The following NUP155 variants were observed in gnomAD, a reference collection of about 807,000 sequenced individuals.
NUP155 encodes the protein nucleoporin 155.
Under a neutral mutation model 180.4 loss-of-function variants are expected in NUP155, and 71 were observed. That is an observed-to-expected ratio of 0.39 (90% CI 0.33 to 0.48). NUP155 has a LOEUF of 0.48. Among genes scored for constraint, NUP155 ranks in the 20% least tolerant of loss-of-function variants. NUP155 has a pLI of 0.91. For missense variants in NUP155, 1,553 were observed against 1,648.9 expected, an observed-to-expected ratio of 0.94 and a Z score of 1.01; for synonymous variants, 582 against 559.5, an observed-to-expected ratio of 1.04 and a Z score of -0.57.
intron 23 of NUP155, among the ~76,000 whole-genome samples, chr5:37,309,930 C>G (rs2150948401): frequency 6.6e-6 from 1 of 152,036 alleles, no homozygotes; most frequent in East Asian, 1.9e-4. Context: ...CACCTGTAAT[C>G]CCAGCTATTT....
chr5:37,344,266 T>A (rs1025788363), intron 9 of NUP155, among the ~76,000 whole-genome samples: 5 of 149,300 alleles, frequency 3.3e-5, no homozygotes, highest in African/African-American at 9.9e-5. Context: ...TCACTGGAAC[T>A]CGGAGGCAGA....
rs1742190162 is a variant in NUP155 at position 37,290,530 on chromosome 5, T to C, written c.*1370A>G. On this transcript the variant is annotated 3_prime_UTR_variant, in exon 35 of 35. Coordinates refer to ENST00000231498, the MANE Select transcript of NUP155 (RefSeq NM_153485.3). Reference sequence around the variant, plus strand: ...TAGAGTGTTTTGTTAGCTCTGGTCATTCCCACTCTTCTTCTCTCTTGTTGC... The same window carrying C: ...TAGAGTGTTTTGTTAGCTCTGGTCACTCCCACTCTTCTTCTCTCTTGTTGC... 1 of 152,110 alleles carries C rather than the reference T, an allele frequency of 6.6e-6. No individual in the cohort carries two copies. Among genetic ancestry groups the C allele is most frequent in the African/African-American group, 2.4e-5 (1 of 41,416 alleles). The allele number at this position is 152,110 out of a possible 1,614,324, so 9.4% of individuals were successfully genotyped here. A position where few individuals can be genotyped will look rare whatever the true frequency, so the allele number is the denominator to read the frequency against.
intron 4 of NUP155, among the ~76,000 whole-genome samples, chr5:37,354,073 C>T (rs1250365199): frequency 6.6e-6 from 1 of 152,112 alleles, no homozygotes. Context: ...AGATTACAAC[C>T]TTGATAATAG....
chr5:37,368,392 G>C (rs887449098), intron 1 of NUP155, among the ~76,000 whole-genome samples: 2 of 151,618 alleles, frequency 1.3e-5, no homozygotes, highest in Non-Finnish European at 2.9e-5. Context: ...GCTAATTTTT[G>C]TATTATTGTA....
At chr5:37,348,921 A>T (rs563063738) in intron 8 of NUP155, among the ~76,000 whole-genome samples, 1 of 152,060 alleles carries the variant, frequency 6.6e-6, no homozygotes, top group Non-Finnish European at 1.5e-5. Flanking sequence ...ACACCTGGCT[A>T]ATTTTTGTAT....
At position 37,299,515 on chromosome 5, in the gene NUP155, T is replaced by C. The variant is rs1742752587; in HGVS notation, c.3615A>G (p.Ile1205Met). The C allele has an allele frequency of 1.2e-6, 2 of 1,613,912 alleles. No individual in the cohort carries two copies. Among genetic ancestry groups the C allele is most frequent in the Non-Finnish European group, 1.7e-6 (2 of 1,179,904 alleles). ...PFKLAECKLA[I>M]IHCAGYSDPI... Reference sequence around the variant, plus strand: ...GGTCTGAATAACCGGCACAATGAATTATTGCAAGTTTGCACTCTGCAAGTT... The same window carrying C: ...GGTCTGAATAACCGGCACAATGAATCATTGCAAGTTTGCACTCTGCAAGTT... Residue 1205 changes from isoleucine (I) to methionine (M), a missense_variant, in exon 31 of 35, where the codon ATA (isoleucine) becomes ATG (methionine). Ile to Met is a conservative substitution (Grantham distance 10, BLOSUM62 1). Coordinates refer to ENST00000231498, the MANE Select transcript of NUP155 (RefSeq NM_153485.3).
chr5:37,312,627 T>C (rs762463848), intron 22 of NUP155, among the ~76,000 whole-genome samples: 22 of 152,176 alleles, frequency 1.4e-4, no homozygotes, highest in Non-Finnish European at 2.9e-5. Flanking sequence ...TATTGGTAAC[T>C]ATCCAGCCTA....
rs754382045 is a variant in NUP155 at position 37,331,807 on chromosome 5, GAAGA to G, written c.1519-16_1519-13del. 1 of 1,520,590 alleles carries G rather than the reference GAAGA, an allele frequency of 6.6e-7. No individual in the cohort carries two copies. The highest frequency in any genetic ancestry group is 9.1e-7 in the Non-Finnish European group (1 of 1,098,448). 94.2% of individuals were successfully genotyped at this position (1,520,590 alleles called of 1,614,324 possible). On this transcript the variant is annotated splice_polypyrimidine_tract_variant and intron_variant, in intron 13 of 34. Coordinates refer to ENST00000231498, the MANE Select transcript of NUP155 (RefSeq NM_153485.3). ...AACATAAGGCTCCCCTAAGAAATTT[GAAGA>G]AAGAACATGAACAAGAGATTTACCA...
intron 26 of NUP155, 63 bp from the exon 27 acceptor site, chr5:37,304,906 T>G: frequency 6.6e-7 from 1 of 1,514,216 alleles, no homozygotes; most frequent in Non-Finnish European, 9.2e-7. Flanking sequence ...ATCACAACCC[T>G]TTAGCCCTAT....
intron 7 of NUP155, 133 bp downstream of exon 7, chr5:37,350,027 T>C (rs1052370996): frequency 2.2e-5 from 16 of 722,460 alleles, no homozygotes; most frequent in Non-Finnish European, 3.2e-5. Context: ...TAAAAGACCT[T>C]ATGAATATAT....
intron 9 of NUP155, 100 bp downstream of exon 9, chr5:37,348,405 G>A (rs1746242817): frequency 1.2e-6 from 1 of 821,120 alleles, no homozygotes; most frequent in Non-Finnish European, 2.2e-6. Context: ...GTCTTTTAGA[G>A]ACATTTTGAT....
intron 12 of NUP155, among the ~76,000 whole-genome samples, chr5:37,334,462 C>T (rs1351725394): frequency 1.3e-5 from 2 of 151,844 alleles, no homozygotes; most frequent in African/African-American, 2.4e-5. Context: ...CCCACTGTAA[C>T]GTCTGCTTCC....
chr5:37,337,776 A>G, intron 12 of NUP155, 42 bp downstream of exon 12: 2 of 1,237,546 alleles, frequency 1.6e-6, no homozygotes, highest in Non-Finnish European at 2.4e-6. Flanking sequence ...CCTTCACTTA[A>G]AATTATATAA....
chr5:37,356,039 G>A (rs1192764522), intron 4 of NUP155, among the ~76,000 whole-genome samples: 3 of 151,472 alleles, frequency 2.0e-5, no homozygotes, highest in Admixed American at 6.6e-5. Context: ...AGACCAGCCC[G>A]ACCAACATGG....
In NUP155 at chr5:37,370,848, A is replaced by C; in HGVS notation, c.130T>G (p.Ser44Ala). The C allele has an allele frequency of 6.2e-7, 1 of 1,614,184 alleles. No individual in the cohort carries two copies. The change falls in exon 1 of 35, where the codon TCC becomes GCC. Residue 44 changes from serine to alanine, a missense_variant. By Grantham distance (99) the Ser-to-Ala change is moderately conservative. Coordinates refer to ENST00000231498, the MANE Select transcript of NUP155 (RefSeq NM_153485.3). Reference sequence around the variant, plus strand: ...GGGGCAGACACCATAAGCAGCTCGGAAAGGTCCGGGTACATGCGGTCCTCT... The same window carrying C: ...GGGGCAGACACCATAAGCAGCTCGGCAAGGTCCGGGTACATGCGGTCCTCT... ...LQEDRMYPDL[S>A]ELLMVSAPNN...
intron 24 of NUP155, among the ~76,000 whole-genome samples, chr5:37,308,289 A>G (rs1030251190): frequency 1.3e-5 from 2 of 152,174 alleles, no homozygotes; most frequent in African/African-American, 4.8e-5. Context: ...GCAGTGGCTC[A>G]TGTCTGTAAT....
At chr5:37,352,919 T>A in intron 4 of NUP155, 90 bp from the exon 5 acceptor site, 1 of 827,396 alleles carries the variant, frequency 1.2e-6, no homozygotes, top group Middle Eastern at 2.2e-4. Flanking sequence ...GAGCTACTAA[T>A]TAAATGGTAT....
At chr5:37,333,670 G>C in intron 12 of NUP155, 37 bp from the exon 13 acceptor site, 1 of 1,535,132 alleles carries the variant, frequency 6.5e-7, no homozygotes, top group African/African-American at 1.4e-5. Context: ...ACATCATATT[G>C]AAGTTACATA....
intron 34 of NUP155, 34 bp from the exon 35 acceptor site, chr5:37,292,072 T>C (rs759162162): frequency 6.2e-6 from 10 of 1,609,094 alleles, no homozygotes; most frequent in Non-Finnish European, 8.5e-7. Context: ...TAATTATACA[T>C]TTACAAACAT....
Sources: gnomAD v4.1 joint callset for allele counts (sites outside exome capture counted in the v4.1 genomes callset) on GRCh38, gnomAD v4.1.1 for gene constraint, MANE v1.5 for transcripts, NCBI Gene and HGNC (gene_info 2026-07-23, HGNC 2026-07-21) for gene names.